SGCZ: variants seen among roughly 807,000 people sequenced by gnomAD.
SGCZ encodes zeta-sarcoglycan.
In SGCZ, 40 loss-of-function variants were observed where a neutral mutation model predicts 41.3. That is an observed-to-expected ratio of 0.97 (90% CI 0.75 to 1.26). The LOEUF is 1.26. Among genes scored for constraint, SGCZ ranks in the 50% most tolerant of loss-of-function variants. SGCZ has a pLI of 0.00. For missense variants in SGCZ, 552 were observed against 369.8 expected, an observed-to-expected ratio of 1.49 and a Z score of -4.04; for synonymous variants, 206 against 137.5, an observed-to-expected ratio of 1.50 and a Z score of -3.49.
At chr8:14,859,439 A>C (rs1037254878) in intron 1 of SGCZ, among the ~76,000 whole-genome samples, 2 of 152,124 alleles carry the variant, frequency 1.3e-5, no homozygotes, top group Admixed American at 6.6e-5. Flanking sequence ...CTATTATAAA[A>C]ACTAGTTTAA....
intron 2 of SGCZ, among the ~76,000 whole-genome samples, chr8:14,551,533 A>AAT (rs1491329008): frequency 3.4e-3 from 41 of 12,148 alleles, no homozygotes; most frequent in Non-Finnish European, 4.7e-3. Context: ...TAATATATAT[A>AAT]ATATATATAA....
intron 1 of SGCZ, among the ~76,000 whole-genome samples, chr8:14,770,965 G>A (rs1585246209): frequency 1.3e-5 from 2 of 152,204 alleles, no homozygotes; most frequent in Admixed American, 1.3e-4. Flanking sequence ...AAGTTTCCAG[G>A]AAGAAAAATA....
At chr8:14,583,285 T>C (rs1283977748) in intron 1 of SGCZ, among the ~76,000 whole-genome samples, 1 of 151,810 alleles carries the variant, frequency 6.6e-6, no homozygotes, top group African/African-American at 2.4e-5. Flanking sequence ...TTTCATGTGT[T>C]TTTTGGCTGC....
intron 3 of SGCZ, among the ~76,000 whole-genome samples, chr8:14,259,827 G>A (rs1799592056): frequency 6.6e-6 from 1 of 151,324 alleles, no homozygotes; most frequent in South Asian, 2.1e-4. Context: ...CTTTAAAGTA[G>A]TTTTTTCCAA....
intron 5 of SGCZ, among the ~76,000 whole-genome samples, chr8:14,130,493 A>C (rs73522447): frequency 0.021 from 3,212 of 152,254 alleles, 142 homozygotes; most frequent in African/African-American, 0.075. Context: ...ACACAAAAAA[A>C]TGAATAAAAC....
intron 1 of SGCZ, among the ~76,000 whole-genome samples, chr8:14,924,301 G>A (rs971362924): frequency 6.6e-6 from 1 of 152,094 alleles, no homozygotes; most frequent in African/African-American, 2.4e-5. Context: ...TTTCACTCCT[G>A]TTAATCTATG....
chr8:15,188,187 A>G (rs1017727062), intron 1 of SGCZ, among the ~76,000 whole-genome samples: 1 of 152,050 alleles, frequency 6.6e-6, no homozygotes, highest in Non-Finnish European at 1.5e-5. Flanking sequence ...GGAGTATTGT[A>G]TCAAGTGGGA....
chr8:14,504,770 T>C (rs189551747), intron 2 of SGCZ, among the ~76,000 whole-genome samples: 2 of 152,298 alleles, frequency 1.3e-5, no homozygotes, highest in Admixed American at 6.5e-5. Context: ...GAAGAGGTCC[T>C]AGCCTGTTTC....
chr8:14,188,556 G>A (rs13258694), intron 4 of SGCZ, among the ~76,000 whole-genome samples: 10,126 of 152,132 alleles, frequency 0.067, 455 homozygotes, highest in African/African-American at 0.12. Flanking sequence ...CAGGTCTGTC[G>A]GTGCTGAGAG....
chr8:14,397,966 C>T (rs1215846922), intron 2 of SGCZ, among the ~76,000 whole-genome samples: 1 of 152,146 alleles, frequency 6.6e-6, no homozygotes, highest in African/African-American at 2.4e-5. Context: ...CTGATGAATT[C>T]CCTTGAACGA....
rs150594390 is a variant in SGCZ at position 14,989,347 on chromosome 8, G to A, written c.39+248238C>T. Among the ~76,000 whole-genome samples, 9 of 152,186 alleles carry A rather than the reference G, an allele frequency of 5.9e-5. No homozygotes were observed. In the East Asian group the frequency reaches 1.4e-3, roughly 23 times the overall value. The stretch of plus-strand genomic sequence containing the variant: ...AAGATAAATAATTCATTAGCCGAGC[G>A]TGGTGGTGTATGCCTATAGTCTTAG... On this transcript the variant is annotated intron_variant, in intron 1 of 7. Transcript: ENST00000382080.
chr8:14,997,871 A>G (rs1477047981), intron 1 of SGCZ, among the ~76,000 whole-genome samples: 1 of 152,106 alleles, frequency 6.6e-6, no homozygotes, highest in Non-Finnish European at 1.5e-5. Context: ...GAGACAGGAG[A>G]ATTGCTTGAA....
At chr8:15,147,374 G>T (rs1311838270) in intron 1 of SGCZ, among the ~76,000 whole-genome samples, 4 of 152,126 alleles carry the variant, frequency 2.6e-5, no homozygotes, top group Admixed American at 2.0e-4. Context: ...CGCCTCCCGG[G>T]TTCAAACAAT....
rs71209049 is a variant in SGCZ at position 14,485,833 on chromosome 8, A to ATTTTTTTTTTT, written c.234+68888_234+68898dup. 5.4e-3 allele frequency among the ~76,000 whole-genome samples: 554 copies of ATTTTTTTTTTT among 103,346 alleles called. 35 individuals are homozygous for ATTTTTTTTTTT. Among genetic ancestry groups the ATTTTTTTTTTT allele is most frequent in the Non-Finnish European group, 6.7e-3 (357 of 53,072 alleles). The allele number at this position is 103,346 out of a possible 152,430, so 67.8% of individuals were successfully genotyped here. A position where few individuals can be genotyped will look rare whatever the true frequency, so the allele number is the denominator to read the frequency against. On this transcript the variant is annotated intron_variant, in intron 2 of 7. Transcript: ENST00000382080. ...ACTACTTTATATTTTCTCTAGAACA[A>ATTTTTTTTTTT]TTTTTTTTTTTTTTTTTTTGAGACG... is the stretch of plus-strand genomic sequence containing the variant.
intron 1 of SGCZ, among the ~76,000 whole-genome samples, chr8:14,914,906 C>G (rs899549005): frequency 6.6e-6 from 1 of 152,114 alleles, no homozygotes; most frequent in Non-Finnish European, 1.5e-5. Context: ...AATATCCCCC[C>G]AGATCATTTT....
chr8:14,571,358 G>T (rs1163044736), intron 1 of SGCZ, among the ~76,000 whole-genome samples: 2 of 152,176 alleles, frequency 1.3e-5, no homozygotes, highest in Non-Finnish European at 2.9e-5. Flanking sequence ...AATTGCAAAT[G>T]TATTTGCATT....
intron 1 of SGCZ, among the ~76,000 whole-genome samples, chr8:15,113,967 G>C (rs1340268035): frequency 3.9e-5 from 6 of 152,118 alleles, no homozygotes; most frequent in Non-Finnish European, 7.4e-5. Context: ...TGCCTCCTCA[G>C]TCATTTTTTG....
At chr8:14,405,684 A>T (rs965148220) in intron 2 of SGCZ, among the ~76,000 whole-genome samples, 4 of 152,194 alleles carry the variant, frequency 2.6e-5, no homozygotes, top group African/African-American at 9.6e-5. Flanking sequence ...ACCATATCAA[A>T]GCCTTAAAAT....
intron 1 of SGCZ, among the ~76,000 whole-genome samples, chr8:15,031,356 T>C (rs560309455): frequency 1.3e-5 from 2 of 152,304 alleles, no homozygotes; most frequent in East Asian, 1.9e-4. Flanking sequence ...TAGTAGTGTC[T>C]GCCACTCATC....
Sources: gnomAD v4.1 joint callset for allele counts (sites outside exome capture counted in the v4.1 genomes callset) on GRCh38, gnomAD v4.1.1 for gene constraint, MANE v1.5 for transcripts, NCBI Gene and HGNC (gene_info 2026-07-23, HGNC 2026-07-21) for gene names.